ROBO1: variants seen among roughly 807,000 people sequenced by gnomAD.
ROBO1 encodes roundabout guidance receptor 1.
Under a neutral mutation model 195.9 loss-of-function variants are expected in ROBO1, and 149 were observed. The ratio of observed to expected loss-of-function variants is 0.76; its 90% CI spans 0.67 to 0.87. ROBO1 has a LOEUF of 0.87. ROBO1 is among the 40% of genes least tolerant of loss of function. ROBO1 has a pLI of 0.00. For missense variants in ROBO1, 1,933 were observed against 2,068.3 expected (o/e 0.93, Z 1.27); for synonymous variants, 816 against 733.2 (o/e 1.11, Z -1.82).
intron 2 of ROBO1, among the ~76,000 whole-genome samples, chr3:79,208,186 A>T (rs544954701): frequency 6.6e-6 from 1 of 152,304 alleles, no homozygotes; most frequent in South Asian, 2.1e-4. Context: ...CCTTCTCTCC[A>T]GTATCACTCA....
At chr3:79,049,776 G>T (rs765293827) in intron 3 of ROBO1, among the ~76,000 whole-genome samples, 2 of 152,066 alleles carry the variant, frequency 1.3e-5, no homozygotes, top group African/African-American at 2.4e-5. Context: ...TTTTAACCCA[G>T]AATTTCATAT....
At chr3:78,987,459 A>T (rs2077135642) in intron 3 of ROBO1, among the ~76,000 whole-genome samples, 1 of 152,130 alleles carries the variant, frequency 6.6e-6, no homozygotes. Context: ...GCAAGTAATA[A>T]ATCCTGTGCT....
intron 18 of ROBO1, among the ~76,000 whole-genome samples, chr3:78,653,993 A>T: frequency 1.3e-5 from 2 of 152,214 alleles, no homozygotes; most frequent in Admixed American, 1.3e-4. Context: ...AAGAAATACA[A>T]CAATTCTGCT....
At chr3:78,851,506 T>G (rs1011241660) in intron 4 of ROBO1, among the ~76,000 whole-genome samples, 1 of 152,192 alleles carries the variant, frequency 6.6e-6, no homozygotes, top group Admixed American at 6.5e-5. Flanking sequence ...TTATACTCCA[T>G]GGAGAGCACT....
intron 29 of ROBO1, 126 bp from the exon 30 acceptor site, chr3:78,600,435 C>T (rs2107222668): frequency 1.5e-6 from 1 of 657,780 alleles, no homozygotes; most frequent in East Asian, 2.7e-5. Context: ...TAAATGAGGA[C>T]ACTCTATAAG....
chr3:78,963,513 T>TTC (rs2041505163), intron 3 of ROBO1, among the ~76,000 whole-genome samples: 1 of 126,756 alleles, frequency 7.9e-6, no homozygotes, highest in Non-Finnish European at 1.6e-5. Flanking sequence ...TTTTTTTTTT[T>TTC]TTTTTTTCTT....
At chr3:78,947,667 C>A (rs2040523904) in intron 3 of ROBO1, among the ~76,000 whole-genome samples, 1 of 151,900 alleles carries the variant, frequency 6.6e-6, no homozygotes, top group Non-Finnish European at 1.5e-5. Flanking sequence ...AAGAAATAAC[C>A]AAGAACAGAG....
intron 1 of ROBO1, among the ~76,000 whole-genome samples, chr3:79,723,147 C>T (rs191287584): frequency 7.2e-5 from 11 of 152,292 alleles, no homozygotes; most frequent in Admixed American, 2.0e-4. Flanking sequence ...CTCCCTGCCA[C>T]CATTCCCGTG....
chr3:78,817,859 T>C (rs990532753), intron 4 of ROBO1, among the ~76,000 whole-genome samples: 11 of 152,178 alleles, frequency 7.2e-5, no homozygotes, highest in Admixed American at 5.9e-4. Context: ...AGTAAAAAGA[T>C]GGGAGTCCAG....
At chr3:79,174,408 A>C (rs139179050) in intron 2 of ROBO1, among the ~76,000 whole-genome samples, 1 of 152,134 alleles carries the variant, frequency 6.6e-6, no homozygotes, top group Non-Finnish European at 1.5e-5. Flanking sequence ...CTCCGAACAC[A>C]TCCGAACATT....
chr3:79,012,808 A>G (rs1576563777), intron 3 of ROBO1, among the ~76,000 whole-genome samples: 1 of 152,162 alleles, frequency 6.6e-6, no homozygotes, highest in South Asian at 2.1e-4. Flanking sequence ...GGAAAAAGCA[A>G]AGCAGTGGAG....
chr3:79,469,041 C>T (rs571635504), intron 2 of ROBO1, among the ~76,000 whole-genome samples: 3 of 152,166 alleles, frequency 2.0e-5, no homozygotes, highest in African/African-American at 7.2e-5. Context: ...TAACAACCTA[C>T]TAACAAGACA....
intron 3 of ROBO1, among the ~76,000 whole-genome samples, chr3:79,086,130 G>C (rs181283316): frequency 8.7e-5 from 13 of 149,790 alleles, no homozygotes; most frequent in African/African-American, 2.7e-4. Context: ...TTTTTTAGGT[G>C]TTATGTGGAA....
At chr3:78,965,787 T>A (rs1409889321) in intron 3 of ROBO1, among the ~76,000 whole-genome samples, 1 of 152,132 alleles carries the variant, frequency 6.6e-6, no homozygotes, top group Admixed American at 6.5e-5. Flanking sequence ...GGAGCAAAAA[T>A]TCTGGGTTCT....
intron 2 of ROBO1, among the ~76,000 whole-genome samples, chr3:79,267,129 C>T (rs200735408): frequency 1.3e-5 from 2 of 151,384 alleles, no homozygotes; most frequent in East Asian, 3.9e-4. Flanking sequence ...ATTAGTCATA[C>T]AAGACATATT....
chr3:79,759,956 G>T (rs1296550235), intron 1 of ROBO1, among the ~76,000 whole-genome samples: 2 of 152,068 alleles, frequency 1.3e-5, no homozygotes, highest in African/African-American at 4.8e-5. Flanking sequence ...CAAAACTGAG[G>T]CGGGGAGTGG....
intron 2 of ROBO1, among the ~76,000 whole-genome samples, chr3:79,172,997 G>C (rs914701439): frequency 6.6e-6 from 1 of 152,100 alleles, no homozygotes; most frequent in South Asian, 2.1e-4. Flanking sequence ...TTTCAGTTGT[G>C]TTCATATCTG....
At chr3:79,162,483 A>T (rs1354809549) in intron 2 of ROBO1, among the ~76,000 whole-genome samples, 1 of 152,126 alleles carries the variant, frequency 6.6e-6, no homozygotes, top group Admixed American at 6.6e-5. Context: ...ACATCATGTG[A>T]AATGGAAGAA....
intron 4 of ROBO1, among the ~76,000 whole-genome samples, chr3:78,890,996 C>T (rs938719413): frequency 6.6e-6 from 1 of 152,140 alleles, no homozygotes; most frequent in Non-Finnish European, 1.5e-5. Flanking sequence ...CCATCTCAGC[C>T]TTCCGATCTT....
Sources: allele counts gnomAD v4.1 joint callset (sites outside exome capture counted in the v4.1 genomes callset), GRCh38; gene constraint gnomAD v4.1.1; transcripts MANE v1.5; gene names NCBI Gene and HGNC (gene_info 2026-07-23, HGNC 2026-07-21).